The following POTEC variants were observed in gnomAD, a reference collection of about 807,000 sequenced individuals.
POTEC encodes the protein ANKRD26-like family B member 2.
In POTEC, 35 loss-of-function variants were observed where a neutral mutation model predicts 62.0. The observed-to-expected ratio is 0.56, with a 90% CI of 0.43 to 0.75. The LOEUF (loss-of-function observed/expected upper bound fraction) is 0.75, where lower values mean the gene tolerates loss of function less well. Among genes scored for constraint, POTEC ranks in the 30% least tolerant of loss-of-function variants. POTEC has a pLI of 0.00. For synonymous variants in POTEC, 156 were observed against 221.5 expected (o/e 0.70, Z 2.62); for missense variants, 472 against 655.9 (o/e 0.72, Z 3.06).
chr18:14,507,592 T>C lies in POTEC; in HGVS notation c.*4306A>G, dbSNP rs564169041. 4 of 152,092 alleles carry C rather than the reference T, an allele frequency of 2.6e-5. No homozygotes were observed. Among genetic ancestry groups the C allele is most frequent in the Non-Finnish European group, 5.9e-5 (4 of 68,020 alleles). The allele number at this position is 152,092 out of a possible 1,614,324, so 9.4% of individuals were successfully genotyped here. A position where few individuals can be genotyped will look rare whatever the true frequency, so the allele number is the denominator to read the frequency against. ...GCCCATTTCCATTTAAGGTTAGTAATGGTATGTGTGGATTTGATCCTGTCA... is the reference window on the plus strand; with the variant it reads ...GCCCATTTCCATTTAAGGTTAGTAACGGTATGTGTGGATTTGATCCTGTCA... On this transcript the variant is annotated 3_prime_UTR_variant, in exon 11 of 11. Coordinates refer to ENST00000358970, the MANE Select transcript of POTEC (RefSeq NM_001137671.2).
At chr18:14,530,319 T>C (rs1369837315) in intron 6 of POTEC, among the ~76,000 whole-genome samples, 164 bp downstream of exon 6, 1 of 152,176 alleles carries the variant, frequency 6.6e-6, no homozygotes, top group East Asian at 1.9e-4. Context: ...TATGATGTAA[T>C]AATAATATAA....
rs1567912180 is a variant in POTEC at position 14,524,918 on chromosome 18, G to T, written c.1192C>A (p.Pro398Thr). ...AAATTTAAAATTTTCCATGCCTCTG[G>T]CTGGCTATTTTCACTGACTTTAAGC... The part of the protein sequence containing the change: ...QRLKVSENSQ[P>T]EKMSQEPEIN... Residue 398 changes from proline to threonine, a missense_variant, in exon 7 of 11, where the codon CCA (proline) becomes ACA (threonine). Physicochemically the swap from Pro to Thr is conservative, Grantham distance 38. Transcript: ENST00000358970. The T allele has an allele frequency of 6.2e-7, 1 of 1,605,360 alleles. No individual in the cohort carries two copies. The highest frequency in any genetic ancestry group is 8.5e-7 in the Non-Finnish European group (1 of 1,177,774).
intron 10 of POTEC, 98 bp from the exon 11 acceptor site, chr18:14,512,091 A>G (rs1910024225): frequency 1.0e-6 from 1 of 995,050 alleles, no homozygotes; most frequent in Admixed American, 2.6e-5. Flanking sequence ...TGTATAATGA[A>G]ATAATTCCCA....
chr18:14,521,040 G>A (rs1345398988), intron 9 of POTEC, among the ~76,000 whole-genome samples: 3 of 152,062 alleles, frequency 2.0e-5, no homozygotes, highest in Non-Finnish European at 4.4e-5. Flanking sequence ...AGAAAAAGCT[G>A]GCCAGCTCCT....
At chr18:14,531,962 T>C (rs28645692) in intron 5 of POTEC, among the ~76,000 whole-genome samples, 26,229 of 144,036 alleles carry the variant, frequency 0.18, 1,963 homozygotes, top group East Asian at 0.37. Context: ...GTAGCTTGGA[T>C]GATTTTCATT....
At chr18:14,538,066 A>G (rs2143165553) in intron 2 of POTEC, 69 bp downstream of exon 2, 5 of 1,524,932 alleles carry the variant, frequency 3.3e-6, no homozygotes, top group South Asian at 2.6e-5. Flanking sequence ...TTTAAATGAG[A>G]AAACTCATTT....
At chr18:14,537,756 C>G in intron 3 of POTEC, 45 bp downstream of exon 3, 3 of 1,603,394 alleles carry the variant, frequency 1.9e-6, no homozygotes, top group East Asian at 2.2e-5. Flanking sequence ...AATGTTAACA[C>G]GAATGCATTT....
In POTEC at chr18:14,537,216, A is replaced by C. The variant is rs868234393; in HGVS notation, c.810+585T>G. Among the ~76,000 whole-genome samples, 878 of 96,640 alleles carry C rather than the reference A, an allele frequency of 9.1e-3. 2 individuals carry two copies. The highest frequency in any genetic ancestry group is 0.014 in the Non-Finnish European group (588 of 41,872). 63.4% of individuals were successfully genotyped at this position (96,640 alleles called of 152,430 possible). A position where few individuals can be genotyped will look rare whatever the true frequency, so the allele number is the denominator to read the frequency against. ...ACACACACACACACACACACAAAAA[A>C]AAAAAAAAACAAAAAAAAACCTCTT... On this transcript the variant is annotated intron_variant, in intron 3 of 10. Coordinates refer to ENST00000358970, the MANE Select transcript of POTEC (RefSeq NM_001137671.2).
intron 9 of POTEC, among the ~76,000 whole-genome samples, chr18:14,514,764 T>A (rs1368339662): frequency 6.6e-6 from 1 of 151,926 alleles, no homozygotes; most frequent in East Asian, 1.9e-4. Context: ...AAAGTCAAAC[T>A]CTCTCTTCAG....
chr18:14,530,150 G>A (rs1905455303), intron 6 of POTEC, among the ~76,000 whole-genome samples: 1 of 151,640 alleles, frequency 6.6e-6, no homozygotes, highest in South Asian at 2.1e-4. Context: ...GCTCATCTGA[G>A]GGATCTAGGT....
chr18:14,540,421 TAA>T (rs1905892742), intron 1 of POTEC, among the ~76,000 whole-genome samples: 3 of 152,082 alleles, frequency 2.0e-5, no homozygotes, highest in African/African-American at 4.8e-5. Flanking sequence ...TCCCCAGAAA[TAA>T]GTTTGATTAT....
In POTEC at chr18:14,513,750, T is replaced by A. The variant is rs1272509216; in HGVS notation, c.1445A>T (p.Glu482Val). The A allele has an allele frequency of 6.2e-7, 1 of 1,610,464 alleles. No individual in the cohort carries two copies. Among genetic ancestry groups the A allele is most frequent in the Non-Finnish European group, 8.5e-7 (1 of 1,179,482 alleles). ...EQNDTRKQLS[E>V]EQNTGISQDE... ...TTGTGATATTCCAGTGTTCTGTTCT[T>A]CAGAAAGTTGTTTCCGGGTATCATT... is the stretch of plus-strand genomic sequence containing the variant. Residue 482 changes from glutamate (E) to valine (V), a missense_variant, in exon 10 of 11, where the codon GAA becomes GTA. Transcript: ENST00000358970.
intron 4 of POTEC, among the ~76,000 whole-genome samples, chr18:14,534,225 T>A (rs1471721259): frequency 6.6e-6 from 1 of 151,304 alleles, no homozygotes; most frequent in Non-Finnish European, 1.5e-5. Context: ...ATTTCCAATT[T>A]CATCTTTTCT....
intron 10 of POTEC, among the ~76,000 whole-genome samples, chr18:14,513,139 C>A (rs1910051894): frequency 6.6e-6 from 1 of 151,632 alleles, no homozygotes; most frequent in Admixed American, 6.6e-5. Flanking sequence ...GTTTTCAAAG[C>A]TCTTTGCATT....
intron 9 of POTEC, among the ~76,000 whole-genome samples, chr18:14,517,481 T>A (rs1183409787): frequency 6.6e-6 from 1 of 152,150 alleles, no homozygotes; most frequent in African/African-American, 2.4e-5. Flanking sequence ...TCTGTCTCTT[T>A]ATTTCAAATA....
At chr18:14,538,961 G>A (rs2143167596) in intron 1 of POTEC, among the ~76,000 whole-genome samples, 1 of 152,238 alleles carries the variant, frequency 6.6e-6, no homozygotes, top group Non-Finnish European at 1.5e-5. Context: ...AATATAACAG[G>A]TCTGGGGCAG....
At chr18:14,538,364 A>G (rs1724571719) in intron 1 of POTEC, 115 bp from the exon 2 acceptor site, 1 of 630,606 alleles carries the variant, frequency 1.6e-6, no homozygotes, top group South Asian at 2.0e-5. Context: ...AACAAACTCA[A>G]TTTTCCTTTG....
At chr18:14,538,313 T>G in intron 1 of POTEC, 64 bp from the exon 2 acceptor site, 1 of 1,431,650 alleles carries the variant, frequency 7.0e-7, no homozygotes. Flanking sequence ...TAATGATTCA[T>G]GTAGTTGCAA....
Position 14,507,445 on chromosome 18 carries a change from T to C in POTEC, c.*4453A>G. On this transcript the variant is annotated 3_prime_UTR_variant, in exon 11 of 11. Transcript: ENST00000358970. ...ATTTCCTTGAAATATTTTTCTCCAT[T>C]CCTTTATTTTGAGCCTATGTATGGC... is the stretch of plus-strand genomic sequence containing the variant. 6.6e-6 allele frequency: 1 copy of C among 151,884 alleles called. No homozygotes were observed. 9.4% of individuals were successfully genotyped at this position (151,884 alleles called of 1,614,324 possible). A position where few individuals can be genotyped will look rare whatever the true frequency, so the allele number is the denominator to read the frequency against.
Sources: allele counts gnomAD v4.1 joint callset (sites outside exome capture counted in the v4.1 genomes callset), GRCh38; gene constraint gnomAD v4.1.1; transcripts MANE v1.5; gene names NCBI Gene and HGNC (gene_info 2026-07-23, HGNC 2026-07-21).